AKT3: variants seen among roughly 807,000 people sequenced by gnomAD.
AKT3 encodes the protein RAC-gamma serine/threonine-protein kinase.
Under a neutral mutation model 65.3 loss-of-function variants are expected in AKT3, and 15 were observed. That is an observed-to-expected ratio of 0.23 (90% confidence interval 0.15 to 0.35). The LOEUF is 0.35. Among genes scored for constraint, AKT3 ranks in the 10% least tolerant of loss-of-function variants. The probability of loss-of-function intolerance (pLI) is 1.00; values close to 1 mark genes in which losing one functional copy is unlikely to be tolerated. For synonymous variants in AKT3, 206 were observed against 183.8 expected (o/e 1.12, Z -0.98); for missense variants, 243 against 576.5 (o/e 0.42, Z 5.92).
chr1:243,574,084 C>T (rs754048492), intron 8 of AKT3, among the ~76,000 whole-genome samples: 27 of 152,062 alleles, frequency 1.8e-4, no homozygotes, highest in Non-Finnish European at 2.9e-5. Flanking sequence ...AGCCAATGTA[C>T]CCTTGACTGC....
chr1:243,607,949 T>G (rs1338272834), intron 8 of AKT3, among the ~76,000 whole-genome samples: 1 of 152,208 alleles, frequency 6.6e-6, no homozygotes, highest in Non-Finnish European at 1.5e-5. Flanking sequence ...AGGACATGTT[T>G]GCTTCCCCTT....
intron 6 of AKT3, 25 bp downstream of exon 6, chr1:243,637,586 T>C: frequency 6.4e-7 from 1 of 1,568,026 alleles, no homozygotes. Flanking sequence ...AAAAATTTAG[T>C]AATCAACTTT....
At position 243,627,906 on chromosome 1, in the gene AKT3, A is replaced by G. The variant is rs184238606; in HGVS notation, c.561+9705T>C. 3.3e-5 allele frequency among the ~76,000 whole-genome samples: 5 copies of G among 152,350 alleles called. No homozygotes were observed. In the East Asian group the frequency reaches 9.6e-4, roughly 29 times the overall value. ...GACACATATGAATGGAAACCTAAAC[A>G]ACAGCAGGCTATTATCTAAGTTGCA... On this transcript the variant is annotated intron_variant, in intron 6 of 13. Coordinates refer to ENST00000673466, the MANE Select transcript of AKT3 (RefSeq NM_005465.7).
Position 243,619,554 on chromosome 1 carries a change from C to T in AKT3, c.562-4393G>A, listed in dbSNP as rs1678587602. Reference sequence around the variant, plus strand: ...AACCAATCTACTGTCTATCTTGATGCAATCCCGTTTTTTAGCTCCCACATA... The same window carrying T: ...AACCAATCTACTGTCTATCTTGATGTAATCCCGTTTTTTAGCTCCCACATA... On this transcript the variant is annotated intron_variant, in intron 6 of 13. Transcript: ENST00000673466. Among the ~76,000 whole-genome samples the T allele has an allele frequency of 3.8e-5, 3 of 78,306 alleles. 1 individual carries two copies. The highest frequency in any genetic ancestry group is 3.1e-4 in the Admixed American group (2 of 6,452). The allele number at this position is 78,306 out of a possible 152,430, so 51.4% of individuals were successfully genotyped here.
chr1:243,768,259 A>G (rs1689955319), intron 2 of AKT3, among the ~76,000 whole-genome samples: 1 of 151,956 alleles, frequency 6.6e-6, no homozygotes, highest in Non-Finnish European at 1.5e-5. Context: ...AATCTTACAT[A>G]GTGACACAAG....
intron 2 of AKT3, among the ~76,000 whole-genome samples, chr1:243,773,639 A>T (rs1690347195): frequency 6.6e-6 from 1 of 152,264 alleles, no homozygotes; most frequent in South Asian, 2.1e-4. Context: ...CACAAAAAAA[A>T]GTTTTATAAA....
chr1:243,842,180 T>TA (rs924431903), intron 2 of AKT3, among the ~76,000 whole-genome samples: 14 of 152,204 alleles, frequency 9.2e-5, no homozygotes, highest in Non-Finnish European at 1.8e-4. Context: ...AAGGCTCATT[T>TA]AAAAAATAAT....
intron 10 of AKT3, among the ~76,000 whole-genome samples, chr1:243,553,984 C>A (rs888501733): frequency 6.6e-6 from 1 of 152,102 alleles, no homozygotes; most frequent in Non-Finnish European, 1.5e-5. Flanking sequence ...CACTTACAAC[C>A]GATTACAAAG....
In AKT3 at chr1:243,664,856, G is replaced by T; in HGVS notation, c.200C>A (p.Pro67Gln). ...AKCQLMKTERPKPNTFIIRCL... is the reference protein window; with the variant it reads ...AKCQLMKTERQKPNTFIIRCL... The stretch of plus-strand genomic sequence containing the variant: ...TCTGATTATAAATGTGTTTGGCTTT[G>T]GTCGTTCTGTTTTCATTAACTGGCA... The change falls in exon 4 of 14, where the codon CCA (proline) becomes CAA (glutamine). Residue 67 changes from proline to glutamine, a missense_variant. By Grantham distance (76) the Pro-to-Gln change is moderately conservative. This residue lies in a region of AKT3 where 29 missense variants were observed against 91.3 expected (regional missense o/e 0.32). Coordinates refer to ENST00000673466, the MANE Select transcript of AKT3 (RefSeq NM_005465.7). 6.3e-7 allele frequency: 1 copy of T among 1,583,498 alleles called. No homozygotes were observed. Among genetic ancestry groups the T allele is most frequent in the South Asian group, 1.2e-5 (1 of 85,174 alleles).
At chr1:243,637,253 A>T (rs1483058670) in intron 6 of AKT3, among the ~76,000 whole-genome samples, 1 of 152,082 alleles carries the variant, frequency 6.6e-6, no homozygotes, top group African/African-American at 2.4e-5. Flanking sequence ...TTTATGAGTA[A>T]AAATCATCTA....
At chr1:243,645,562 C>T (rs1202688226) in intron 5 of AKT3, among the ~76,000 whole-genome samples, 5 of 152,008 alleles carry the variant, frequency 3.3e-5, no homozygotes, top group Non-Finnish European at 5.9e-5. Context: ...TGGAAAAGAA[C>T]AAATCATCAG....
At chr1:243,849,386 A>ACCCCCCCCCCCCCCCCCCCCCCC (rs57424400) in intron 1 of AKT3, among the ~76,000 whole-genome samples, 12 of 107,022 alleles carry the variant, frequency 1.1e-4, no homozygotes, top group African/African-American at 2.7e-4. Context: ...CCACACACAC[A>ACCCCCCCCCCCCCCCCCCCCCCC]CCCCCCCCCC....
At chr1:243,819,293 G>A (rs547417897) in intron 2 of AKT3, among the ~76,000 whole-genome samples, 7 of 152,334 alleles carry the variant, frequency 4.6e-5, no homozygotes, top group African/African-American at 1.7e-4. Flanking sequence ...CCAGTTGGCC[G>A]TTTTTTCCCT....
intron 2 of AKT3, among the ~76,000 whole-genome samples, chr1:243,777,147 G>T (rs558385297): frequency 1.3e-5 from 2 of 152,182 alleles, no homozygotes; most frequent in Non-Finnish European, 2.9e-5. Flanking sequence ...CATGGGATTG[G>T]GGGGAGACGG....
intron 8 of AKT3, 30 bp from the exon 9 acceptor site, chr1:243,573,078 T>TGTACCGTGATCTCAAGGTAAAAAAA: frequency 6.2e-7 from 1 of 1,606,658 alleles, no homozygotes; most frequent in Non-Finnish European, 8.5e-7. Flanking sequence ...GACAGGATTG[T>TGTACCGTGATCTCAAGGTAAAAAAA]AATAATTACT....
chr1:243,655,977 A>G (rs1174741212), intron 4 of AKT3, among the ~76,000 whole-genome samples: 1 of 152,176 alleles, frequency 6.6e-6, no homozygotes, highest in Non-Finnish European at 1.5e-5. Flanking sequence ...TTAAAAAACA[A>G]AAACAAACAA....
chr1:243,835,353 G>T (rs1276078557), intron 2 of AKT3, among the ~76,000 whole-genome samples: 1 of 152,002 alleles, frequency 6.6e-6, no homozygotes, highest in Non-Finnish European at 1.5e-5. Context: ...AGAAAGTGAG[G>T]ATCTTAAAAC....
At chr1:243,661,428 A>G (rs1682318904) in intron 4 of AKT3, among the ~76,000 whole-genome samples, 1 of 152,000 alleles carries the variant, frequency 6.6e-6, no homozygotes, top group Non-Finnish European at 1.5e-5. Flanking sequence ...GATCTTTGAC[A>G]AACCTGAGAA....
intron 2 of AKT3, among the ~76,000 whole-genome samples, chr1:243,756,666 A>G (rs889164824): frequency 1.2e-4 from 19 of 152,248 alleles, no homozygotes; most frequent in Non-Finnish European, 4.4e-5. Flanking sequence ...ACCACTTGAC[A>G]TTCATCTTAG....
Sources: allele counts gnomAD v4.1 joint callset (sites outside exome capture counted in the v4.1 genomes callset), GRCh38; gene constraint gnomAD v4.1.1; regional missense constraint gnomAD v4.1.1; transcripts MANE v1.5; gene names NCBI Gene and HGNC (gene_info 2026-07-23, HGNC 2026-07-21).